Variants in PTPRD observed in about 807,000 individuals in gnomAD.
PTPRD encodes the protein receptor-type tyrosine-protein phosphatase delta.
A neutral mutation model predicts 214.5 loss-of-function variants in PTPRD; 34 were observed. The observed-to-expected ratio is 0.16, with a 90% CI of 0.12 to 0.21. The LOEUF is 0.21. PTPRD is among the 10% of genes least tolerant of loss of function. The probability of loss-of-function intolerance (pLI) is 1.00; values close to 1 mark genes in which losing one functional copy is unlikely to be tolerated. For missense variants in PTPRD, 2,545 were observed against 2,398.7 expected (o/e 1.06, Z -1.27); for synonymous variants, 1,128 against 845.7 (o/e 1.33, Z -5.79).
At chr9:8,552,138 A>G (rs2082296190) in intron 14 of PTPRD, among the ~76,000 whole-genome samples, 1 of 152,072 alleles carries the variant, frequency 6.6e-6, no homozygotes, top group Non-Finnish European at 1.5e-5. Flanking sequence ...ACCTCCTTGC[A>G]CGGTTTCTAA....
intron 8 of PTPRD, among the ~76,000 whole-genome samples, chr9:9,534,616 C>T (rs2076152451): frequency 6.6e-6 from 1 of 151,988 alleles, no homozygotes; most frequent in South Asian, 2.1e-4. Context: ...GTTTTATTTA[C>T]TAACTAAGCT....
chr9:8,442,197 T>C (rs555568875), intron 34 of PTPRD, among the ~76,000 whole-genome samples: 5 of 152,248 alleles, frequency 3.3e-5, no homozygotes, highest in Non-Finnish European at 7.3e-5. Flanking sequence ...GGAATGCTAT[T>C]TGGCAGAATA....
chr9:9,678,072 T>C (rs1161933699), intron 7 of PTPRD, among the ~76,000 whole-genome samples: 7 of 151,906 alleles, frequency 4.6e-5, no homozygotes, highest in African/African-American at 1.7e-4. Context: ...TAAAAGAGGA[T>C]ACAAACAAAT....
At chr9:9,711,351 A>G (rs1443565446) in intron 7 of PTPRD, among the ~76,000 whole-genome samples, 2 of 152,146 alleles carry the variant, frequency 1.3e-5, no homozygotes, top group African/African-American at 2.4e-5. Context: ...CCAAGAATCT[A>G]CCAACGATGA....
intron 9 of PTPRD, among the ~76,000 whole-genome samples, chr9:9,210,028 A>C (rs184392033): frequency 2.8e-3 from 420 of 152,304 alleles, no homozygotes; most frequent in Non-Finnish European, 5.1e-3. Flanking sequence ...AAGGTAGCAC[A>C]AATCTTTTAT....
intron 11 of PTPRD, among the ~76,000 whole-genome samples, chr9:8,948,334 C>G (rs1047927827): frequency 1.4e-5 from 2 of 138,220 alleles, no homozygotes; most frequent in African/African-American, 5.4e-5. Flanking sequence ...GGGCTCTTAA[C>G]CACTATGCCC....
At chr9:9,171,365 T>C (rs942859933) in intron 10 of PTPRD, among the ~76,000 whole-genome samples, 4 of 149,864 alleles carry the variant, frequency 2.7e-5, no homozygotes, top group African/African-American at 9.7e-5. Context: ...AATTAGATTA[T>C]ATTTATAATC....
intron 6 of PTPRD, among the ~76,000 whole-genome samples, chr9:9,746,750 A>C (rs2761704): frequency 0.53 from 80,201 of 151,690 alleles, 24,452 homozygotes; most frequent in African/African-American, 0.83. Context: ...GCTCTGTAGG[A>C]ATGTCCATCT....
chr9:10,364,686 C>A (rs1481280585), intron 2 of PTPRD, among the ~76,000 whole-genome samples: 1 of 152,106 alleles, frequency 6.6e-6, no homozygotes, highest in Non-Finnish European at 1.5e-5. Flanking sequence ...AGATATAGAA[C>A]AATCAGGCCT....
At chr9:10,482,463 T>C (rs1188208810) in intron 2 of PTPRD, among the ~76,000 whole-genome samples, 1 of 151,896 alleles carries the variant, frequency 6.6e-6, no homozygotes, top group South Asian at 2.1e-4. Flanking sequence ...GGCATTCAAA[T>C]TGGAAAAGTG....
intron 11 of PTPRD, among the ~76,000 whole-genome samples, chr9:9,014,978 G>T (rs2099528451): frequency 6.6e-6 from 1 of 152,084 alleles, no homozygotes. Flanking sequence ...CTGTGTACAT[G>T]TGAGTATATG....
intron 11 of PTPRD, among the ~76,000 whole-genome samples, chr9:8,838,310 G>A (rs538871665): frequency 6.7e-6 from 1 of 150,240 alleles, no homozygotes; most frequent in African/African-American, 2.4e-5. Context: ...ATCGTTTGGG[G>A]ATAAGGAAGT....
chr9:9,818,009 T>C (rs542218644), intron 5 of PTPRD, among the ~76,000 whole-genome samples: 1 of 152,186 alleles, frequency 6.6e-6, no homozygotes, highest in East Asian at 1.9e-4. Flanking sequence ...CAAGGGCTGA[T>C]CTTGGGGAAA....
intron 10 of PTPRD, among the ~76,000 whole-genome samples, chr9:9,106,335 T>C (rs1338132519): frequency 1.3e-5 from 2 of 151,988 alleles, no homozygotes; most frequent in Non-Finnish European, 2.9e-5. Flanking sequence ...ACAATAGGCA[T>C]GTACCATTTG....
intron 14 of PTPRD, among the ~76,000 whole-genome samples, chr9:8,619,323 C>G (rs935552399): frequency 2.6e-5 from 4 of 151,770 alleles, no homozygotes; most frequent in African/African-American, 9.7e-5. Context: ...AATGTTCTAT[C>G]CTTTGACCAC....
chr9:8,976,163 C>T (rs1450710067), intron 11 of PTPRD, among the ~76,000 whole-genome samples: 1 of 152,036 alleles, frequency 6.6e-6, no homozygotes, highest in Non-Finnish European at 1.5e-5. Flanking sequence ...TGCACCCTTG[C>T]TATCTTTTGC....
intron 17 of PTPRD, among the ~76,000 whole-genome samples, chr9:8,525,424 A>C (rs2073845951): frequency 6.6e-6 from 1 of 152,124 alleles, no homozygotes; most frequent in South Asian, 2.1e-4. Flanking sequence ...AAAGTGGCGC[A>C]AAAGATAGGT....
chr9:9,808,512 A>AT (rs1257635468), intron 5 of PTPRD, among the ~76,000 whole-genome samples: 1 of 152,114 alleles, frequency 6.6e-6, no homozygotes, highest in African/African-American at 2.4e-5. Context: ...CTTTGTATCT[A>AT]TTTTTCTGAG....
At chr9:10,326,832 A>G (rs2096651489) in intron 3 of PTPRD, among the ~76,000 whole-genome samples, 2 of 151,432 alleles carry the variant, frequency 1.3e-5, no homozygotes, top group Admixed American at 1.3e-4. Flanking sequence ...ATGTACTTTG[A>G]CAATTTTCTA....
Sources: allele counts gnomAD v4.1 joint callset (sites outside exome capture counted in the v4.1 genomes callset), GRCh38; gene constraint gnomAD v4.1.1; transcripts MANE v1.5; gene names NCBI Gene and HGNC (gene_info 2026-07-23, HGNC 2026-07-21).